The following MAGI2 variants were observed in gnomAD, a reference collection of about 807,000 sequenced individuals.
MAGI2 encodes the protein membrane associated guanylate kinase, WW and PDZ domain containing 2, also known as membrane-associated guanylate kinase, WW and PDZ domain-containing protein 2.
MAGI2 carries 35 observed loss-of-function variants against 133.3 expected under a neutral mutation model. The observed-to-expected ratio is 0.26, with a 90% CI of 0.20 to 0.35. MAGI2 has a LOEUF of 0.35. Ranked by LOEUF, MAGI2 falls within the 10% of genes least tolerant of loss-of-function variation. MAGI2 has a pLI of 1.00. For missense variants in MAGI2, 1,636 were observed against 1,863.4 expected (o/e 0.88, Z 2.25); for synonymous variants, 729 against 710.6 (o/e 1.03, Z -0.41).
chr7:79,011,924 C>CCTTCCTTCCTTCTTTCCTTT (rs1413880167), intron 1 of MAGI2, among the ~76,000 whole-genome samples: 1 of 121,206 alleles, frequency 8.3e-6, no homozygotes, highest in African/African-American at 3.3e-5. Context: ...TTCCTTCCTT[C>CCTTCCTTCCTTCTTTCCTTT]CTTTCTTTCT....
At chr7:78,141,988 G>A (rs894179010) in intron 16 of MAGI2, among the ~76,000 whole-genome samples, 3 of 152,164 alleles carry the variant, frequency 2.0e-5, no homozygotes, top group African/African-American at 7.2e-5. Flanking sequence ...GAGTAAATTA[G>A]TAACTGAAAG....
chr7:79,375,086 C>G (rs1843295534), intron 1 of MAGI2, among the ~76,000 whole-genome samples: 1 of 151,964 alleles, frequency 6.6e-6, no homozygotes, highest in African/African-American at 2.4e-5. Context: ...TCATAATGTT[C>G]TCACTTCTTA....
chr7:79,167,015 T>G (rs1252701189), intron 1 of MAGI2, among the ~76,000 whole-genome samples: 1 of 152,076 alleles, frequency 6.6e-6, no homozygotes, highest in Non-Finnish European at 1.5e-5. Context: ...AGTCTGTGTA[T>G]TAATAAGCTC....
chr7:78,691,979 G>C (rs1039978500), intron 2 of MAGI2, among the ~76,000 whole-genome samples: 20 of 152,078 alleles, frequency 1.3e-4, no homozygotes, highest in African/African-American at 4.6e-4. Context: ...GTTAATAATG[G>C]GAAAAGTTTT....
chr7:78,032,360 A>G (rs1809678632), intron 21 of MAGI2, among the ~76,000 whole-genome samples: 1 of 152,032 alleles, frequency 6.6e-6, no homozygotes, highest in African/African-American at 2.4e-5. Flanking sequence ...GATTACAGGT[A>G]TGCGCCAACA....
intron 2 of MAGI2, among the ~76,000 whole-genome samples, chr7:78,665,171 G>A (rs1276732375): frequency 2.0e-5 from 3 of 152,008 alleles, no homozygotes; most frequent in Non-Finnish European, 4.4e-5. Flanking sequence ...TTTCCTAGAG[G>A]TGATGTTACT....
At chr7:78,530,411 A>C (rs1411886542) in intron 3 of MAGI2, among the ~76,000 whole-genome samples, 2 of 152,174 alleles carry the variant, frequency 1.3e-5, no homozygotes, top group Non-Finnish European at 2.9e-5. Context: ...TTTATTATTA[A>C]GATATAGGAT....
At chr7:78,783,630 A>G (rs887716133) in intron 2 of MAGI2, among the ~76,000 whole-genome samples, 2 of 152,196 alleles carry the variant, frequency 1.3e-5, no homozygotes, top group African/African-American at 4.8e-5. Flanking sequence ...GGAAATCAAT[A>G]AAGTGTAATT....
chr7:78,020,031 C>T, intron 21 of MAGI2, 55 bp from the exon 22 acceptor site: 4 of 1,451,072 alleles, frequency 2.8e-6, no homozygotes, highest in Non-Finnish European at 2.8e-6. Context: ...GTCCCCGTGC[C>T]CTCTCTACGC....
chr7:78,423,181 T>A (rs1056231150), intron 6 of MAGI2, among the ~76,000 whole-genome samples: 8 of 152,160 alleles, frequency 5.3e-5, no homozygotes, highest in African/African-American at 1.9e-4. Context: ...GGTGATTGAA[T>A]TATGGAGGCA....
intron 6 of MAGI2, among the ~76,000 whole-genome samples, chr7:78,424,461 C>T (rs73144478): frequency 0.021 from 3,237 of 152,234 alleles, 54 homozygotes; most frequent in Non-Finnish European, 0.034. Flanking sequence ...GAGTCCCCTG[C>T]ACAGAGTCCT....
At chr7:79,339,423 T>G (rs567717852) in intron 1 of MAGI2, among the ~76,000 whole-genome samples, 1 of 151,898 alleles carries the variant, frequency 6.6e-6, no homozygotes, top group African/African-American at 2.4e-5. Flanking sequence ...ACCTATAGGT[T>G]TCTACATATG....
rs538071005 is a variant in MAGI2 at position 78,670,072 on chromosome 7, G to T, written c.419-42833C>A. Among the ~76,000 whole-genome samples the T allele has an allele frequency of 2.0e-3, 308 of 151,562 alleles. 9 individuals are homozygous for T. Among genetic ancestry groups the T allele is most frequent in the African/African-American group, 7.4e-3 (301 of 40,932 alleles). On this transcript the variant is annotated intron_variant, in intron 2 of 21. Transcript: ENST00000354212. ...ACATAGTGTTGGAAGTTCTGGCCAG[G>T]GCAATTAGGCAGGAGAAGGAAATAA...
chr7:78,768,247 A>G (rs2151313950), intron 2 of MAGI2, among the ~76,000 whole-genome samples: 1 of 152,286 alleles, frequency 6.6e-6, no homozygotes, highest in African/African-American at 2.4e-5. Flanking sequence ...TTTAAGGGTG[A>G]CTTGGTAATC....
At chr7:78,499,124 T>G (rs1794395527) in intron 5 of MAGI2, among the ~76,000 whole-genome samples, 1 of 152,134 alleles carries the variant, frequency 6.6e-6, no homozygotes, top group African/African-American at 2.4e-5. Context: ...AAAGCACTAA[T>G]GATCCAGTGA....
chr7:78,741,733 G>A (rs905157054), intron 2 of MAGI2, among the ~76,000 whole-genome samples: 11 of 152,002 alleles, frequency 7.2e-5, no homozygotes, highest in African/African-American at 2.7e-4. Context: ...GTGAAATAGG[G>A]ATACTAACTA....
chr7:79,050,038 A>C (rs1293262541), intron 1 of MAGI2, among the ~76,000 whole-genome samples: 3 of 152,076 alleles, frequency 2.0e-5, no homozygotes, highest in Non-Finnish European at 4.4e-5. Flanking sequence ...TTTGTTTTTG[A>C]CCATGAAGCT....
intron 2 of MAGI2, among the ~76,000 whole-genome samples, chr7:78,813,785 CAAAA>C (rs36107160): frequency 1.0e-5 from 1 of 96,798 alleles, no homozygotes; most frequent in Admixed American, 1.2e-4. Context: ...GATTCTGTCT[CAAAA>C]AAAAAAAAAA....
intron 9 of MAGI2, among the ~76,000 whole-genome samples, chr7:78,299,527 A>G (rs1057108795): frequency 6.6e-6 from 1 of 152,210 alleles, no homozygotes; most frequent in African/African-American, 2.4e-5. Flanking sequence ...AAGAAGTACA[A>G]AAAAATGCTA....
Sources: gnomAD v4.1 joint callset for allele counts (sites outside exome capture counted in the v4.1 genomes callset) on GRCh38, gnomAD v4.1.1 for gene constraint, MANE v1.5 for transcripts, NCBI Gene and HGNC (gene_info 2026-07-23, HGNC 2026-07-21) for gene names.